Variants in CYP39A1 observed in about 807,000 individuals in gnomAD.
CYP39A1 encodes the protein cytochrome P450 family 39 subfamily A member 1, also known as 24-hydroxycholesterol 7-alpha-hydroxylase.
CYP39A1 carries 49 observed loss-of-function variants against 58.1 expected under a neutral mutation model. That is an observed-to-expected ratio of 0.84 (90% confidence interval 0.67 to 1.07). CYP39A1 has a LOEUF of 1.07. CYP39A1 is among the 50% of genes least tolerant of loss of function. The probability of loss-of-function intolerance (pLI) is 0.00; values close to 1 mark genes in which losing one functional copy is unlikely to be tolerated. For synonymous variants in CYP39A1, 209 were observed against 187.6 expected (o/e 1.11, Z -0.93); for missense variants, 531 against 539.4 (o/e 0.98, Z 0.16).
intron 11 of CYP39A1, among the ~76,000 whole-genome samples, chr6:46,550,890 G>A (rs1770357676): frequency 6.6e-6 from 1 of 152,044 alleles, no homozygotes; most frequent in South Asian, 2.1e-4. Flanking sequence ...TTTCCATAAA[G>A]ATATATTTTT....
chr6:46,581,238 T>C (rs373435621), intron 10 of CYP39A1, among the ~76,000 whole-genome samples: 1 of 152,074 alleles, frequency 6.6e-6, no homozygotes, highest in Admixed American at 6.6e-5. Flanking sequence ...TGAGACCTTG[T>C]CTCTACTAAA....
At chr6:46,632,571 C>T (rs566152385) in intron 5 of CYP39A1, among the ~76,000 whole-genome samples, 1 of 152,060 alleles carries the variant, frequency 6.6e-6, no homozygotes, top group East Asian at 1.9e-4. Context: ...GGTACTAAGC[C>T]TAATACACAA....
chr6:46,587,507 T>G (rs1249370313), intron 9 of CYP39A1, among the ~76,000 whole-genome samples: 1 of 152,182 alleles, frequency 6.6e-6, no homozygotes, highest in Non-Finnish European at 1.5e-5. Flanking sequence ...AGTAAGACAC[T>G]GACATCCCTG....
chr6:46,603,441 G>A (rs183631400), intron 7 of CYP39A1, among the ~76,000 whole-genome samples: 1 of 152,138 alleles, frequency 6.6e-6, no homozygotes, highest in Non-Finnish European at 1.5e-5. Context: ...TGGATTCAGT[G>A]AACACTGATC....
chr6:46,606,268 A>G (rs138819142), intron 7 of CYP39A1, among the ~76,000 whole-genome samples: 3 of 152,338 alleles, frequency 2.0e-5, no homozygotes, highest in Non-Finnish European at 4.4e-5. Context: ...TGGAAAATAA[A>G]TATTTTGATA....
chr6:46,624,113 G>A (rs948904864), intron 7 of CYP39A1, among the ~76,000 whole-genome samples: 4 of 152,162 alleles, frequency 2.6e-5, no homozygotes, highest in Admixed American at 2.6e-4. Flanking sequence ...TAGAAATTTA[G>A]ATTAATGTTA....
At chr6:46,636,141 T>G (rs559069040) in intron 5 of CYP39A1, among the ~76,000 whole-genome samples, 1 of 152,288 alleles carries the variant, frequency 6.6e-6, no homozygotes, top group East Asian at 1.9e-4. Context: ...CAGAAATCAA[T>G]ACGGAACATC....
intron 10 of CYP39A1, among the ~76,000 whole-genome samples, chr6:46,562,109 G>A (rs1004182807): frequency 2.8e-5 from 4 of 143,770 alleles, no homozygotes; most frequent in East Asian, 2.0e-4. Flanking sequence ...TGCAACCTCC[G>A]CCTCCTGGGT....
intron 1 of CYP39A1, among the ~76,000 whole-genome samples, chr6:46,648,720 A>G (rs1406674908): frequency 6.6e-6 from 1 of 152,144 alleles, no homozygotes; most frequent in East Asian, 1.9e-4. Context: ...TGGCACAACA[A>G]GAAAATGATT....
intron 7 of CYP39A1, among the ~76,000 whole-genome samples, chr6:46,597,742 C>T (rs3799878): frequency 0.12 from 18,978 of 152,060 alleles, 1,239 homozygotes; most frequent in Middle Eastern, 0.18. Flanking sequence ...ATACTACAGA[C>T]GATCCTAAAT....
chr6:46,650,481 A>G (rs1466139467), intron 1 of CYP39A1, among the ~76,000 whole-genome samples: 2 of 54,796 alleles, frequency 3.6e-5, no homozygotes, highest in African/African-American at 1.3e-4. Context: ...ATGCAGTCAT[A>G]TTCTTTTTTT....
intron 1 of CYP39A1, among the ~76,000 whole-genome samples, chr6:46,643,183 C>T (rs1476868261): frequency 6.6e-6 from 1 of 152,146 alleles, no homozygotes; most frequent in African/African-American, 2.4e-5. Flanking sequence ...TTATTGGCGT[C>T]TAAGTATAAT....
chr6:46,561,015 A>G (rs1770942862), intron 10 of CYP39A1, among the ~76,000 whole-genome samples: 1 of 152,234 alleles, frequency 6.6e-6, no homozygotes, highest in Non-Finnish European at 1.5e-5. Context: ...TCCCACTTAC[A>G]TAAAGTAACC....
intron 8 of CYP39A1, among the ~76,000 whole-genome samples, chr6:46,593,345 CAA>C (rs1216542398): frequency 1.3e-5 from 2 of 151,998 alleles, no homozygotes; most frequent in African/African-American, 2.4e-5. Context: ...ATAGCCCCAA[CAA>C]AAGTTACAAC....
At chr6:46,560,647 T>C (rs954107917) in intron 10 of CYP39A1, among the ~76,000 whole-genome samples, 1 of 152,094 alleles carries the variant, frequency 6.6e-6, no homozygotes, top group Non-Finnish European at 1.5e-5. Flanking sequence ...ATGAGCCCCA[T>C]GATTAGGAAG....
chr6:46,583,297 A>T, intron 10 of CYP39A1: 1 of 985,400 alleles, frequency 1.0e-6, no homozygotes, highest in South Asian at 4.7e-5. Context: ...GACACAGCAA[A>T]TCAGGCATCC....
intron 7 of CYP39A1, among the ~76,000 whole-genome samples, chr6:46,619,118 C>T (rs1774801172): frequency 6.6e-6 from 1 of 152,096 alleles, no homozygotes; most frequent in Non-Finnish European, 1.5e-5. Context: ...TTGTGGCTCC[C>T]AACTGACTGA....
chr6:46,550,146 A>G lies in CYP39A1; in HGVS notation c.*220T>C, dbSNP rs1770311884. 1 of 377,298 alleles carries G rather than the reference A, an allele frequency of 2.7e-6. No homozygotes were observed. The highest frequency in any genetic ancestry group is 4.7e-6 in the Non-Finnish European group (1 of 212,164). The allele number at this position is 377,298 out of a possible 1,614,324, so 23.4% of individuals were successfully genotyped here. On this transcript the variant is annotated 3_prime_UTR_variant, in exon 12 of 12. Coordinates refer to ENST00000275016, the MANE Select transcript of CYP39A1 (RefSeq NM_016593.5). ...TTTTTGGATCATTTGATCATTTCCT[A>G]TAAACCATGTATTCCGGTCTCTATA...
intron 10 of CYP39A1, chr6:46,586,582 G>T: frequency 1.0e-6 from 1 of 985,930 alleles, no homozygotes; most frequent in Non-Finnish European, 1.2e-6. Context: ...GGAGGGCTGG[G>T]TGCCAGATTA....
Sources: allele counts gnomAD v4.1 joint callset (sites outside exome capture counted in the v4.1 genomes callset), GRCh38; gene constraint gnomAD v4.1.1; transcripts MANE v1.5; gene names NCBI Gene and HGNC (gene_info 2026-07-23, HGNC 2026-07-21).